SPTB: variants seen among roughly 807,000 people sequenced by gnomAD.
SPTB encodes spectrin beta, erythrocytic.
Under a neutral mutation model 256.2 loss-of-function variants are expected in SPTB, and 45 were observed. The ratio of observed to expected loss-of-function variants is 0.18; its 90% CI spans 0.14 to 0.23. The LOEUF (loss-of-function observed/expected upper bound fraction) is 0.23, where lower values mean the gene tolerates loss of function less well. Among genes scored for constraint, SPTB ranks in the 10% least tolerant of loss-of-function variants. The pLI is 1.00. For missense variants in SPTB, 2,715 were observed against 3,040.4 expected (o/e 0.89, Z 2.52); for synonymous variants, 1,231 against 1,243.1 (o/e 0.99, Z 0.21).
At chr14:64,761,586 G>C (rs545946780) in intron 32 of SPTB, among the ~76,000 whole-genome samples, 1 of 152,206 alleles carries the variant, frequency 6.6e-6, no homozygotes, top group East Asian at 1.9e-4. Context: ...TAGGGATGCA[G>C]GGCAGAAGGG....
At chr14:64,783,227 A>T (rs2082503290) in intron 19 of SPTB, among the ~76,000 whole-genome samples, 1 of 151,294 alleles carries the variant, frequency 6.6e-6, no homozygotes, top group African/African-American at 2.4e-5. Context: ...TTTTTGAGAC[A>T]GCGTCTCTCT....
chr14:64,822,395 CACACACAG>C (rs2083307302), intron 2 of SPTB, among the ~76,000 whole-genome samples: 4 of 145,638 alleles, frequency 2.7e-5, no homozygotes, highest in Admixed American at 1.3e-4. Flanking sequence ...CACACACACA[CACACACAG>C]AGAGATCTAT....
intron 24 of SPTB, among the ~76,000 whole-genome samples, chr14:64,773,867 C>T (rs779149515): frequency 1.4e-4 from 22 of 152,310 alleles, no homozygotes; most frequent in African/African-American, 5.1e-4. Context: ...CTGCTGAGGA[C>T]CCACAGTGGT....
chr14:64,782,317 A>G lies in SPTB; in HGVS notation c.4239T>C (p.Ser1413=), dbSNP rs749053963. The change falls in exon 20 of 36, where the codon AGT becomes AGC. Residue 1413 remains serine (S), a synonymous_variant. Transcript: ENST00000644917. ...RSDDPGKDLT[S]VNRMLAKLKR... is the part of the protein sequence containing the mutation. Reference sequence around the variant, plus strand: ...TCAGCTTAGCCAACATCCGATTGACACTGGTCAGGTCCTTGCCCGGGTCGT... The same window carrying G: ...TCAGCTTAGCCAACATCCGATTGACGCTGGTCAGGTCCTTGCCCGGGTCGT... 1.2e-6 allele frequency: 2 copies of G among 1,614,186 alleles called. No individual in the cohort carries two copies.
chr14:64,751,927 C>CAAAAAAAAAAAAAAAAAAAAAAAAAA (rs374561563), intron 33 of SPTB, among the ~76,000 whole-genome samples: 8 of 71,930 alleles, frequency 1.1e-4, no homozygotes, highest in Non-Finnish European at 1.2e-4. Flanking sequence ...ACTAAAAATG[C>CAAAAAAAAAAAAAAAAAAAAAAAAAA]AAAAAAAAAA....
intron 29 of SPTB, chr14:64,768,283 T>C: frequency 3.7e-6 from 1 of 272,890 alleles, no homozygotes; most frequent in Non-Finnish European, 7.2e-6. Context: ...CAAGCAATCC[T>C]CCTGCCTTGG....
Position 64,795,687 on chromosome 14 carries a change from C to T in SPTB, c.1342-48G>A. ...GGCAGCTCAGTCAGACACCCAGGGG[C>T]TCATCCCCAAACTCAGGGACAGGGC... On this transcript the variant is annotated intron_variant, in intron 11 of 35. Coordinates refer to ENST00000644917, the MANE Select transcript of SPTB (RefSeq NM_001355436.2). The surrounding 1 kb of genome is among the most constrained non-coding windows in gnomAD (Gnocchi z 6.5). The T allele has an allele frequency of 6.2e-7, 1 of 1,600,982 alleles. No individual in the cohort carries two copies. Among genetic ancestry groups the T allele is most frequent in the Non-Finnish European group, 8.5e-7 (1 of 1,170,382 alleles).
rs1453022525 is a variant in SPTB at position 64,749,725 on chromosome 14, G to C, written c.6777-29C>G. 6.2e-7 allele frequency: 1 copy of C among 1,611,890 alleles called. No individual in the cohort carries two copies. The highest frequency in any genetic ancestry group is 8.5e-7 in the Non-Finnish European group (1 of 1,179,074). ...GGAGGACAAAGGGTTTCCTGTCATG[G>C]AGACACCTCTGGAGGGGGCGCTGGG... On this transcript the variant is annotated intron_variant, in intron 34 of 35. Transcript: ENST00000644917. This position sits in a 1 kb window ranked among gnomAD's most constrained non-coding sequence, Gnocchi z 4.7.
At chr14:64,750,353 G>T in intron 33 of SPTB, 199 bp from the exon 34 acceptor site, 2 of 601,428 alleles carry the variant, frequency 3.3e-6, no homozygotes, top group Non-Finnish European at 2.7e-6. Flanking sequence ...ATTCCTTCTA[G>T]TCTTCACATT....
chr14:64,787,197 C>A (rs767632255), intron 15 of SPTB, 37 bp from the exon 16 acceptor site: 11 of 1,599,354 alleles, frequency 6.9e-6, no homozygotes, highest in Admixed American at 1.7e-5. Flanking sequence ...GAGAGAGACA[C>A]CTTCTCCCTT....
intron 1 of SPTB, among the ~76,000 whole-genome samples, chr14:64,837,183 G>A (rs1323240518): frequency 1.3e-5 from 2 of 152,206 alleles, no homozygotes; most frequent in South Asian, 2.1e-4. Flanking sequence ...CAGATTTCCT[G>A]TCTCTTGGAG....
intron 13 of SPTB, 118 bp downstream of exon 13, chr14:64,794,349 G>T: frequency 7.3e-7 from 1 of 1,371,144 alleles, no homozygotes; most frequent in South Asian, 1.3e-5. Flanking sequence ...ACCATTACTT[G>T]ATGAAAGTAA....
At position 64,801,709 on chromosome 14, in the gene SPTB, G is replaced by A. The variant is rs1385754032; in HGVS notation, c.647+45C>T. On this transcript the variant is annotated intron_variant, in intron 6 of 35. Transcript: ENST00000644917. ...GTGCAATGTGTCCAAATATTCCCAG[G>A]GAGGCTGTCTCAGTCAGTCCCCACG... is the stretch of plus-strand genomic sequence containing the variant. The A allele has an allele frequency of 4.5e-6, 7 of 1,565,740 alleles. No homozygotes were observed. In the East Asian group the frequency reaches 9.0e-5, roughly 20 times the overall value.
In SPTB at chr14:64,786,024, G is replaced by T; in HGVS notation, c.3562-73C>A. On this transcript the variant is annotated intron_variant, in intron 16 of 35. Coordinates refer to ENST00000644917, the MANE Select transcript of SPTB (RefSeq NM_001355436.2). This position sits in a 1 kb window ranked among gnomAD's most constrained non-coding sequence, Gnocchi z 5.6. ...TGATGAGCACACCTCCCAAGTGGGAGCACCACGTGCAGCCACACAGGCCAC... is the reference window on the plus strand; with the variant it reads ...TGATGAGCACACCTCCCAAGTGGGATCACCACGTGCAGCCACACAGGCCAC... 1 of 1,488,932 alleles carries T rather than the reference G, an allele frequency of 6.7e-7. No homozygotes were observed. Among genetic ancestry groups the T allele is most frequent in the Non-Finnish European group, 9.3e-7 (1 of 1,074,938 alleles). The allele number at this position is 1,488,932 out of a possible 1,614,324, so 92.2% of individuals were successfully genotyped here.
chr14:64,819,693 G>C (rs2083256082), intron 2 of SPTB, among the ~76,000 whole-genome samples: 1 of 152,178 alleles, frequency 6.6e-6, no homozygotes, highest in Admixed American at 6.5e-5. Context: ...AGGCAAAGGA[G>C]GGTGGGGGTT....
chr14:64,878,079 C>G (rs1227140191), intron 1 of SPTB, among the ~76,000 whole-genome samples: 1 of 152,312 alleles, frequency 6.6e-6, no homozygotes, highest in African/African-American at 2.4e-5. Context: ...TCCCAGAACT[C>G]AAGATCAATA....
intron 26 of SPTB, among the ~76,000 whole-genome samples, chr14:64,771,880 T>A (rs1048537189): frequency 3.9e-5 from 6 of 152,162 alleles, no homozygotes; most frequent in Non-Finnish European, 5.9e-5. Context: ...TGGCCTGGGA[T>A]TGCGCAGCCA....
At chr14:64,753,252 A>C (rs1008919825) in intron 33 of SPTB, among the ~76,000 whole-genome samples, 1 of 152,174 alleles carries the variant, frequency 6.6e-6, no homozygotes. Context: ...GAAAAGACAT[A>C]CTGTTCTCAT....
chr14:64,775,148 C>G lies in SPTB; in HGVS notation c.4819G>C (p.Val1607Leu). ...ACCTTGGGGATCTCATCGGAGATGA[C>G]GTAGAGCTCCTGCTCGCCAATCCAG... ...EAWIGEQELY[V>L]ISDEIPKDEE... is the part of the protein sequence containing the mutation. Residue 1607 changes from valine to leucine, a missense_variant, in exon 23 of 36, where the codon GTC (valine) becomes CTC (leucine). Val to Leu is a conservative substitution (Grantham distance 32). Coordinates refer to ENST00000644917, the MANE Select transcript of SPTB (RefSeq NM_001355436.2). The surrounding 1 kb of genome is among the most constrained non-coding windows in gnomAD (Gnocchi z 5.0). 1 of 1,613,980 alleles carries G rather than the reference C, an allele frequency of 6.2e-7. No individual in the cohort carries two copies. The highest frequency in any genetic ancestry group is 1.1e-5 in the South Asian group (1 of 91,086).
Sources: allele counts gnomAD v4.1 joint callset (sites outside exome capture counted in the v4.1 genomes callset), GRCh38; gene constraint gnomAD v4.1.1; non-coding constraint Gnocchi (gnomAD v3.1); transcripts MANE v1.5; gene names NCBI Gene and HGNC (gene_info 2026-07-23, HGNC 2026-07-21).